The following CHD6 variants were observed in gnomAD, a reference collection of about 807,000 sequenced individuals.
CHD6 encodes chromodomain helicase DNA binding protein 6, also known as ATP-dependent chromatin remodeler CHD6.
Under a neutral mutation model 276.9 loss-of-function variants are expected in CHD6, and 50 were observed. The observed-to-expected ratio is 0.18, with a 90% CI of 0.14 to 0.23. The LOEUF (loss-of-function observed/expected upper bound fraction) is 0.23, where lower values mean the gene tolerates loss of function less well. Ranked by LOEUF, CHD6 falls within the 10% of genes least tolerant of loss-of-function variation. CHD6 has a pLI of 1.00. For synonymous variants in CHD6, 1,173 were observed against 1,229.3 expected (o/e 0.95, Z 0.96); for missense variants, 2,564 against 3,365.8 (o/e 0.76, Z 5.89).
intron 17 of CHD6, among the ~76,000 whole-genome samples, chr20:41,466,159 G>A (rs2042914745): frequency 3.3e-5 from 5 of 152,132 alleles, no homozygotes; most frequent in South Asian, 2.1e-4. Context: ...CCGAGGTTGC[G>A]TCACTGCACT....
At position 41,473,008 on chromosome 20, in the gene CHD6, G is replaced by A. The variant is rs1294940016; in HGVS notation, c.2664+314C>T. The A allele has an allele frequency of 1.3e-5, 3 of 236,028 alleles. No individual in the cohort carries two copies. The highest frequency in any genetic ancestry group is 6.7e-5 in the African/African-American group (3 of 44,762). The allele number at this position is 236,028 out of a possible 1,614,324, so 14.6% of individuals were successfully genotyped here. A position where few individuals can be genotyped will look rare whatever the true frequency, so the allele number is the denominator to read the frequency against. On this transcript the variant is annotated intron_variant, in intron 17 of 36. Transcript: ENST00000373233. The surrounding 1 kb of genome is among the most constrained non-coding windows in gnomAD (Gnocchi z 4.1). ...AATGCCCGAATCGTCTACATATCAA[G>A]AATTAGAGCATTAGTCAAGATTAGT...
intron 2 of CHD6, among the ~76,000 whole-genome samples, chr20:41,540,987 A>G (rs1202706087): frequency 6.7e-6 from 1 of 150,178 alleles, no homozygotes; most frequent in Non-Finnish European, 1.5e-5. Context: ...CTTCTGAAAG[A>G]TTTTTTTTAA....
At chr20:41,555,728 T>C (rs1295901937) in intron 1 of CHD6, among the ~76,000 whole-genome samples, 3 of 144,690 alleles carry the variant, frequency 2.1e-5, no homozygotes, top group East Asian at 2.1e-4. Flanking sequence ...ACTTCCTAGA[T>C]GGGATGGCGG....
chr20:41,473,361 G>T lies in CHD6; in HGVS notation c.2625C>A (p.Ile875=). The T allele has an allele frequency of 6.2e-7, 1 of 1,614,052 alleles. No individual in the cohort carries two copies. Among genetic ancestry groups the T allele is most frequent in the Non-Finnish European group, 8.5e-7 (1 of 1,179,982 alleles). The change falls in exon 17 of 37, where the codon ATC becomes ATA. Residue 875 remains isoleucine (I), a synonymous_variant. Coordinates refer to ENST00000373233, the MANE Select transcript of CHD6 (RefSeq NM_032221.5). The surrounding 1 kb of genome is among the most constrained non-coding windows in gnomAD (Gnocchi z 4.1). The part of the protein sequence containing the change: ...GINLTAADTC[I]IFDSDWNPQN... Reference sequence around the variant, plus strand: ...GTGGGTTCCAGTCAGAATCAAATATGATGCAGGTATCAGCAGCTGTGAGAT... The same window carrying T: ...GTGGGTTCCAGTCAGAATCAAATATTATGCAGGTATCAGCAGCTGTGAGAT...
At position 41,437,293 on chromosome 20, in the gene CHD6, T is replaced by C. The variant is rs749943915; in HGVS notation, c.4049A>G (p.Asp1350Gly). ...ACTCACCGTTTGTTTCTGGAGGCCATCTACTTTGTCCTCAGCATTGTCTTC... is the reference window on the plus strand; with the variant it reads ...ACTCACCGTTTGTTTCTGGAGGCCACCTACTTTGTCCTCAGCATTGTCTTC... ...DKEDNAEDKV[D>G]GLQKQTESSS... The change falls in exon 27 of 37, where the codon GAT becomes GGT. Residue 1350 changes from aspartate to glycine, a missense_variant. Asp to Gly is a moderately conservative substitution (Grantham distance 94, BLOSUM62 -1). Coordinates refer to ENST00000373233, the MANE Select transcript of CHD6 (RefSeq NM_032221.5). The C allele has an allele frequency of 2.5e-6, 4 of 1,613,698 alleles. No homozygotes were observed. The East Asian group carries it at 6.7e-5, about 27-fold the overall frequency.
intron 1 of CHD6, among the ~76,000 whole-genome samples, chr20:41,603,535 T>C (rs967861579): frequency 2.6e-5 from 4 of 151,996 alleles, no homozygotes; most frequent in African/African-American, 9.7e-5. Flanking sequence ...GAATGCTTCA[T>C]TTCAAGGCAT....
In CHD6 at chr20:41,588,969, TA is replaced by T. The variant is rs201725629; in HGVS notation, c.-24+29370del. Among the ~76,000 whole-genome samples the T allele has an allele frequency of 8.5e-3, 1,291 of 152,208 alleles. 18 individuals carry two copies. Among genetic ancestry groups the T allele is most frequent in the African/African-American group, 0.027 (1,140 of 41,520 alleles). On this transcript the variant is annotated intron_variant, in intron 1 of 36. Transcript: ENST00000373233. The stretch of plus-strand genomic sequence containing the variant: ...TGAACATCGATGCAAAAATCCTCAA[TA>T]AAATACTGGCAAACCGAATCCAGCA...
chr20:41,478,488 T>G (rs1385175569), intron 16 of CHD6, among the ~76,000 whole-genome samples: 2 of 152,188 alleles, frequency 1.3e-5, no homozygotes, highest in African/African-American at 4.8e-5. Flanking sequence ...GGCAAGGTGT[T>G]GATCAGCTGT....
At position 41,589,484 on chromosome 20, in the gene CHD6, A is replaced by G. The variant is rs145976566; in HGVS notation, c.-24+28856T>C. Among the ~76,000 whole-genome samples, 983 of 152,354 alleles carry G rather than the reference A, an allele frequency of 6.5e-3. 8 individuals carry two copies. The highest frequency in any genetic ancestry group is 0.023 in the African/African-American group (938 of 41,586). On this transcript the variant is annotated intron_variant, in intron 1 of 36. Transcript: ENST00000373233. ...TTAGAAAACCCCATCATCTCAGTCC[A>G]AAATCTCCTTAAGCTGATAAGCAAC...
intron 8 of CHD6, among the ~76,000 whole-genome samples, chr20:41,496,394 C>G (rs4812518): frequency 1.3e-5 from 2 of 151,854 alleles, no homozygotes; most frequent in African/African-American, 4.8e-5. Flanking sequence ...AGAACGTCTC[C>G]TGGGTGTTCA....
intron 27 of CHD6, among the ~76,000 whole-genome samples, chr20:41,432,730 C>G (rs2047584292): frequency 6.6e-6 from 1 of 151,880 alleles, no homozygotes; most frequent in Non-Finnish European, 1.5e-5. Flanking sequence ...AGACCTCAAA[C>G]TGAATGAAAA....
At chr20:41,495,806 A>G (rs2043671968) in intron 8 of CHD6, among the ~76,000 whole-genome samples, 1 of 152,246 alleles carries the variant, frequency 6.6e-6, no homozygotes, top group African/African-American at 2.4e-5. Flanking sequence ...CTATCATCTA[A>G]TCCTTGCAGG....
At chr20:41,478,839 G>A (rs2043226814) in intron 16 of CHD6, among the ~76,000 whole-genome samples, 1 of 152,134 alleles carries the variant, frequency 6.6e-6, no homozygotes, top group Non-Finnish European at 1.5e-5. Flanking sequence ...TATTCACTAG[G>A]GCTAGGGAAA....
intron 20 of CHD6, among the ~76,000 whole-genome samples, chr20:41,454,098 C>T (rs2048319505): frequency 6.6e-6 from 1 of 152,272 alleles, no homozygotes; most frequent in Admixed American, 6.5e-5. Context: ...CAGTGTGGGC[C>T]TGACCACCTC....
At chr20:41,544,320 G>A (rs1349609728) in intron 2 of CHD6, among the ~76,000 whole-genome samples, 1 of 152,162 alleles carries the variant, frequency 6.6e-6, no homozygotes, top group Non-Finnish European at 1.5e-5. Flanking sequence ...AAATGTCACA[G>A]ATCCAAATCC....
At chr20:41,552,570 A>G (rs1203603747) in intron 1 of CHD6, among the ~76,000 whole-genome samples, 2 of 152,276 alleles carry the variant, frequency 1.3e-5, no homozygotes, top group East Asian at 3.8e-4. Flanking sequence ...AAAGTGAGAT[A>G]GTTCCAATTC....
At chr20:41,586,345 GC>G (rs767394260) in intron 1 of CHD6, among the ~76,000 whole-genome samples, 3 of 152,220 alleles carry the variant, frequency 2.0e-5, no homozygotes, top group African/African-American at 4.8e-5. Context: ...GGTGCCCATT[GC>G]CACTCCTGAT....
intron 3 of CHD6, among the ~76,000 whole-genome samples, chr20:41,521,604 C>T (rs1180581550): frequency 2.0e-5 from 3 of 151,894 alleles, no homozygotes; most frequent in African/African-American, 4.8e-5. Flanking sequence ...CATATGTGCG[C>T]GTTTGTATGT....
rs200921256 is a variant in CHD6, at chr20:41,502,022, A to G, written c.853-2665T>C. On this transcript the variant is annotated intron_variant, in intron 5 of 36. Coordinates refer to ENST00000373233, the MANE Select transcript of CHD6 (RefSeq NM_032221.5). Reference sequence around the variant, plus strand: ...AATTTATTTTCAAGAATTATTTTAAATAAGAGTCCTCTCTCAGATACACAG... The same window carrying G: ...AATTTATTTTCAAGAATTATTTTAAGTAAGAGTCCTCTCTCAGATACACAG... Among the ~76,000 whole-genome samples the G allele has an allele frequency of 2.6e-4, 40 of 152,348 alleles. No homozygotes were observed. In the East Asian group the frequency reaches 4.6e-3, roughly 18 times the overall value.
Sources: allele counts gnomAD v4.1 joint callset (sites outside exome capture counted in the v4.1 genomes callset), GRCh38; gene constraint gnomAD v4.1.1; non-coding constraint Gnocchi (gnomAD v3.1); transcripts MANE v1.5; gene names NCBI Gene and HGNC (gene_info 2026-07-23, HGNC 2026-07-21).